The following SPACA7 variants were observed in gnomAD, a reference collection of about 807,000 sequenced individuals.
SPACA7 encodes the protein sperm acrosome associated 7.
Under a neutral mutation model 26.3 loss-of-function variants are expected in SPACA7, and 19 were observed. That is an observed-to-expected ratio of 0.72 (90% CI 0.50 to 1.06). The LOEUF is 1.06. Among genes scored for constraint, SPACA7 ranks in the 50% least tolerant of loss-of-function variants. SPACA7 has a pLI of 0.00. For missense variants in SPACA7, 211 were observed against 229.9 expected (o/e 0.92, Z 0.53); for synonymous variants, 84 against 84.5 (o/e 0.99, Z 0.04).
Position 112,398,035 on chromosome 13 carries a change from G to A in SPACA7, c.152-14G>A. The stretch of plus-strand genomic sequence containing the variant: ...AGGGCCGACTCTAACGTGATCTTGT[G>A]TGCTTCTCCCAAGATGAAATTCTGG... On this transcript the variant is annotated splice_polypyrimidine_tract_variant and intron_variant, in intron 2 of 6. Transcript: ENST00000283550. 2.5e-6 allele frequency: 4 copies of A among 1,598,922 alleles called. No homozygotes were observed. Among genetic ancestry groups the A allele is most frequent in the Non-Finnish European group, 3.4e-6 (4 of 1,166,512 alleles).
At chr13:112,410,608 A>C (rs1886287215) in intron 5 of SPACA7, among the ~76,000 whole-genome samples, 1 of 152,120 alleles carries the variant, frequency 6.6e-6, no homozygotes, top group Non-Finnish European at 1.5e-5. Context: ...TTCCACTTAT[A>C]TGACGCACCT....
At chr13:112,400,792 G>T (rs1180693338) in intron 4 of SPACA7, among the ~76,000 whole-genome samples, 1 of 152,158 alleles carries the variant, frequency 6.6e-6, no homozygotes, top group African/African-American at 2.4e-5. Flanking sequence ...CTATAGCACA[G>T]GTATTTTCAT....
chr13:112,415,672 G>A (rs187513690), intron 5 of SPACA7, among the ~76,000 whole-genome samples: 1 of 152,292 alleles, frequency 6.6e-6, no homozygotes, highest in Non-Finnish European at 1.5e-5. Flanking sequence ...CCTGCATCTG[G>A]TGTTAAATTG....
chr13:112,405,742 G>A (rs898218624), intron 5 of SPACA7, among the ~76,000 whole-genome samples: 13 of 152,042 alleles, frequency 8.6e-5, no homozygotes, highest in African/African-American at 1.7e-4. Context: ...CCTGTCTTTT[G>A]TTAAGAATAG....
At chr13:112,432,039 G>A (rs187855857) in intron 5 of SPACA7, among the ~76,000 whole-genome samples, 10 of 152,274 alleles carry the variant, frequency 6.6e-5, no homozygotes, top group East Asian at 3.9e-4. Flanking sequence ...ACCTGTGTCC[G>A]GGTCCAAGGA....
chr13:112,377,287 A>G (rs892554117), intron 1 of SPACA7, among the ~76,000 whole-genome samples: 4 of 152,230 alleles, frequency 2.6e-5, no homozygotes, highest in Non-Finnish European at 5.9e-5. Flanking sequence ...AATTGTTTGC[A>G]TAAGTTTAAT....
chr13:112,431,129 A>G (rs986412728), intron 5 of SPACA7, among the ~76,000 whole-genome samples: 3 of 152,214 alleles, frequency 2.0e-5, no homozygotes, highest in Non-Finnish European at 4.4e-5. Flanking sequence ...AAATTGTTCA[A>G]TGGGCTTGTG....
At chr13:112,383,042 A>AAGAGAGAGAGAGAGAGAGAGAG (rs1317938798) in intron 1 of SPACA7, among the ~76,000 whole-genome samples, 4 of 147,600 alleles carry the variant, frequency 2.7e-5, no homozygotes, top group African/African-American at 7.4e-5. Flanking sequence ...GAGAGAGAGA[A>AAGAGAGAGAGAGAGAGAGAGAG]AGACAGAAGG....
chr13:112,420,199 A>T (rs1174249425), intron 5 of SPACA7, among the ~76,000 whole-genome samples: 1 of 152,220 alleles, frequency 6.6e-6, no homozygotes, highest in Non-Finnish European at 1.5e-5. Flanking sequence ...AAAAAATTAC[A>T]ATACACAAAA....
At chr13:112,406,871 T>C (rs965407828) in intron 5 of SPACA7, among the ~76,000 whole-genome samples, 9 of 152,330 alleles carry the variant, frequency 5.9e-5, no homozygotes, top group African/African-American at 2.2e-4. Context: ...GAGGACCTAA[T>C]AGACATCTAC....
chr13:112,421,707 C>T (rs947563124), intron 5 of SPACA7, among the ~76,000 whole-genome samples: 1 of 152,042 alleles, frequency 6.6e-6, no homozygotes, highest in African/African-American at 2.4e-5. Flanking sequence ...ATGAAATCAC[C>T]CTAAATGCCA....
chr13:112,398,923 A>G (rs765704383), intron 3 of SPACA7, 143 bp from the exon 4 acceptor site: 1 of 635,764 alleles, frequency 1.6e-6, no homozygotes, highest in Non-Finnish European at 2.8e-6. Flanking sequence ...ACCTTCACTT[A>G]CCAACGCACA....
intron 1 of SPACA7, among the ~76,000 whole-genome samples, chr13:112,383,111 AAAAG>A (rs1884229192): frequency 5.0e-4 from 39 of 78,232 alleles, no homozygotes; most frequent in African/African-American, 2.2e-3. Flanking sequence ...GAAAGAAAAG[AAAAG>A]AAAAGAAAAG....
At position 112,393,053 on chromosome 13, in the gene SPACA7, C is replaced by T. The variant is rs1159470205; in HGVS notation, c.127C>T (p.Gln43Ter). ...TACTGAAATACCATTCAGTTCAAAA[C>T]AGGAGGATATGTCTGAATTATTAGG... ...SPTEIPFSSKQEDMSELLDEI... is the reference protein window; with the variant it reads ...SPTEIPFSSK The change falls in exon 2 of 7, where the codon CAG becomes TAG. Residue 43 changes from glutamine (Q) to a stop codon, truncating the protein, a stop_gained. Coordinates refer to ENST00000283550, the MANE Select transcript of SPACA7 (RefSeq NM_145248.5). LOFTEE classifies it high-confidence loss of function. The T allele has an allele frequency of 6.2e-7, 1 of 1,612,946 alleles. No homozygotes were observed.
In SPACA7 at chr13:112,434,618, C is replaced by T. The variant is rs1877560346; in HGVS notation, c.*69C>T. The T allele has an allele frequency of 7.5e-7, 1 of 1,325,620 alleles. No individual in the cohort carries two copies. 82.1% of individuals were successfully genotyped at this position (1,325,620 alleles called of 1,614,324 possible). On this transcript the variant is annotated 3_prime_UTR_variant, in exon 7 of 7. Coordinates refer to ENST00000283550, the MANE Select transcript of SPACA7 (RefSeq NM_145248.5). ...AACCCCCACCCACCAGCCTCCGGAA[C>T]AGGGCACTTGTGTGCACACGCCCAC...
intron 4 of SPACA7, among the ~76,000 whole-genome samples, chr13:112,399,535 C>G (rs1885502929): frequency 6.6e-6 from 1 of 152,238 alleles, no homozygotes; most frequent in Non-Finnish European, 1.5e-5. Context: ...GCAGAGAGAG[C>G]CAGAGTGCCC....
chr13:112,382,341 G>A lies in SPACA7; in HGVS notation c.94+5862G>A, dbSNP rs28597788. ...TCTCGATTTCTTGACCTCATGGTCC[G>A]CCCGCCTCAGCCTCCCAAAGTGCTG... is the stretch of plus-strand genomic sequence containing the variant. On this transcript the variant is annotated intron_variant, in intron 1 of 6. Coordinates refer to ENST00000283550, the MANE Select transcript of SPACA7 (RefSeq NM_145248.5). The A allele has an allele frequency of 5.5e-3, 7,475 of 1,366,926 alleles. 317 individuals carry two copies. In the African/African-American group the frequency reaches 0.096, roughly 18 times the overall value. The allele number at this position is 1,366,926 out of a possible 1,614,324, so 84.7% of individuals were successfully genotyped here.
intron 5 of SPACA7, among the ~76,000 whole-genome samples, chr13:112,414,388 CTTTTTTTTTTTTTTTTTTT>C (rs869183760): frequency 3.2e-4 from 10 of 31,392 alleles, no homozygotes; most frequent in East Asian, 1.2e-3. Context: ...TTTTCTGTGT[CTTTTTTTTTTTTTTTTTTT>C]TTTTTTTTTT....
At chr13:112,414,460 T>C (rs952509979) in intron 5 of SPACA7, among the ~76,000 whole-genome samples, 5 of 127,388 alleles carry the variant, frequency 3.9e-5, no homozygotes, top group Non-Finnish European at 6.3e-5. Flanking sequence ...ACTCAGGCTG[T>C]AGTGCAATGG....
Sources: gnomAD v4.1 joint callset for allele counts (sites outside exome capture counted in the v4.1 genomes callset) on GRCh38, gnomAD v4.1.1 for gene constraint, MANE v1.5 for transcripts, NCBI Gene and HGNC (gene_info 2026-07-23, HGNC 2026-07-21) for gene names.